ADAMTS20: variants seen among roughly 807,000 people sequenced by gnomAD.
ADAMTS20 encodes A disintegrin and metalloproteinase with thrombospondin motifs 20.
Under a neutral mutation model 260.1 loss-of-function variants are expected in ADAMTS20, and 225 were observed. The ratio of observed to expected loss-of-function variants is 0.87; its 90% CI spans 0.78 to 0.97. The LOEUF is 0.97. ADAMTS20 is among the 50% of genes least tolerant of loss of function. ADAMTS20 has a pLI of 0.00. For missense variants in ADAMTS20, 2,400 were observed against 2,337.7 expected (o/e 1.03, Z -0.55); for synonymous variants, 802 against 769.5 (o/e 1.04, Z -0.70).
At chr12:43,384,074 A>AC in intron 29 of ADAMTS20, 97 bp from the exon 30 acceptor site, 2 of 1,118,124 alleles carry the variant, frequency 1.8e-6, no homozygotes, top group Non-Finnish European at 2.4e-6. Flanking sequence ...TATTTTAAAT[A>AC]CAGCCTGGTA....
rs551126865 is a variant in ADAMTS20, at chr12:43,399,056, C to A, written c.4452+10G>T. ...AATACATATATAATTATAAAATATA[C>A]ATCATATACCTCATTCCAGCTATTG... is the stretch of plus-strand genomic sequence containing the variant. On this transcript the variant is annotated intron_variant, in intron 29 of 38. Coordinates refer to ENST00000389420, the MANE Select transcript of ADAMTS20 (RefSeq NM_025003.5). 3 of 1,387,644 alleles carry A rather than the reference C, an allele frequency of 2.2e-6. No individual in the cohort carries two copies. Among genetic ancestry groups the A allele is most frequent in the East Asian group, 2.8e-5 (1 of 35,940 alleles). The allele number at this position is 1,387,644 out of a possible 1,614,324, so 86.0% of individuals were successfully genotyped here.
chr12:43,439,765 T>C lies in ADAMTS20; in HGVS notation c.2464-14A>G, dbSNP rs542711794. The C allele has an allele frequency of 6.3e-7, 1 of 1,597,194 alleles. No homozygotes were observed. Among genetic ancestry groups the C allele is most frequent in the East Asian group, 2.2e-5 (1 of 44,758 alleles). On this transcript the variant is annotated splice_polypyrimidine_tract_variant and intron_variant, in intron 17 of 38. Coordinates refer to ENST00000389420, the MANE Select transcript of ADAMTS20 (RefSeq NM_025003.5). ...CACACACAACACCTCAATAAGAATATAAAAGAACATACAATTAATACATAA... is the reference window on the plus strand; with the variant it reads ...CACACACAACACCTCAATAAGAATACAAAAGAACATACAATTAATACATAA...
intron 35 of ADAMTS20, 88 bp downstream of exon 35, chr12:43,375,969 C>A: frequency 1.1e-6 from 1 of 938,582 alleles, no homozygotes. Flanking sequence ...CACATGTAAG[C>A]TATTCAAGTA....
At chr12:43,445,865 G>T (rs1941751058) in intron 15 of ADAMTS20, among the ~76,000 whole-genome samples, 1 of 151,858 alleles carries the variant, frequency 6.6e-6, no homozygotes, top group Non-Finnish European at 1.5e-5. Context: ...ATAAATAAAT[G>T]AATAAATAAG....
chr12:43,378,989 C>T (rs1565672207), intron 31 of ADAMTS20, among the ~76,000 whole-genome samples: 1 of 152,188 alleles, frequency 6.6e-6, no homozygotes, highest in Non-Finnish European at 1.5e-5. Flanking sequence ...TATTTCCATT[C>T]TCTTCTTTCT....
At chr12:43,432,510 A>G (rs1029225394) in intron 20 of ADAMTS20, 42 bp from the exon 21 acceptor site, 2 of 1,593,116 alleles carry the variant, frequency 1.3e-6, no homozygotes, top group Non-Finnish European at 8.5e-7. Context: ...GAAAAAAATC[A>G]GATTTTCAAC....
chr12:43,392,646 A>T (rs1445462483), intron 29 of ADAMTS20, among the ~76,000 whole-genome samples: 3 of 152,256 alleles, frequency 2.0e-5, no homozygotes, highest in East Asian at 1.9e-4. Context: ...GCCTGCTGTC[A>T]TCAATAACCC....
chr12:43,357,105 A>G (rs1939763389), intron 37 of ADAMTS20, among the ~76,000 whole-genome samples: 1 of 152,198 alleles, frequency 6.6e-6, no homozygotes, highest in Non-Finnish European at 1.5e-5. Flanking sequence ...AATTCTTTCC[A>G]AGTGCAGGAC....
chr12:43,440,139 C>CT (rs35606718), intron 16 of ADAMTS20, 70 bp from the exon 17 acceptor site: 26,369 of 550,992 alleles, frequency 0.048, 89 homozygotes, highest in African/African-American at 0.061. Flanking sequence ...ACTTGTTTAA[C>CT]TTTTTTTTTT....
At chr12:43,550,391 ACTCTACTT>A (rs1014180042) in intron 2 of ADAMTS20, among the ~76,000 whole-genome samples, 2 of 152,010 alleles carry the variant, frequency 1.3e-5, no homozygotes, top group African/African-American at 4.8e-5. Context: ...CCTCTTCCCT[ACTCTACTT>A]CACAGGCCAT....
chr12:43,452,213 C>T lies in ADAMTS20; in HGVS notation c.2079+61G>A, dbSNP rs150130179. 16 of 1,492,556 alleles carry T rather than the reference C, an allele frequency of 1.1e-5. 1 individual carries two copies. The highest frequency in any genetic ancestry group is 5.7e-5 in the African/African-American group (4 of 70,462). The allele number at this position is 1,492,556 out of a possible 1,614,324, so 92.5% of individuals were successfully genotyped here. ...AAAAGTAATATTTGGTTATATAAAT[C>T]GAAAAAAAACATTATTCTTAAAGTC... On this transcript the variant is annotated intron_variant, in intron 14 of 38. Transcript: ENST00000389420.
At chr12:43,542,427 G>A (rs1376086826) in intron 2 of ADAMTS20, among the ~76,000 whole-genome samples, 1 of 152,032 alleles carries the variant, frequency 6.6e-6, no homozygotes, top group East Asian at 1.9e-4. Flanking sequence ...TGTAATATTT[G>A]TAGCATATAT....
chr12:43,483,822 C>T (rs1476280069), intron 7 of ADAMTS20, among the ~76,000 whole-genome samples: 2 of 152,098 alleles, frequency 1.3e-5, no homozygotes, highest in Admixed American at 6.5e-5. Context: ...CTGCTTTAGC[C>T]GCAGCCAGTT....
intron 3 of ADAMTS20, among the ~76,000 whole-genome samples, chr12:43,527,768 G>A (rs538684859): frequency 4.5e-4 from 69 of 152,090 alleles, no homozygotes; most frequent in African/African-American, 1.6e-3. Flanking sequence ...TTCCCCCTGA[G>A]AACTGGAACA....
rs548252346 is a variant in ADAMTS20 at position 43,428,337 on chromosome 12, C to G, written c.3849G>C (p.Thr1283=). The G allele has an allele frequency of 1.9e-6, 3 of 1,613,924 alleles. No individual in the cohort carries two copies. Among genetic ancestry groups the G allele is most frequent in the Non-Finnish European group, 2.5e-6 (3 of 1,179,878 alleles). ...SPVQPSYYLS[T]NLPLTQKLED... ...CAAGTTTTTGAGTTAATGGCAAATT[C>G]GTGCTTAGATAATAGCTTGGCTGCA... Residue 1283 remains threonine (T), a synonymous_variant, in exon 26 of 39, where the codon ACG becomes ACC. Coordinates refer to ENST00000389420, the MANE Select transcript of ADAMTS20 (RefSeq NM_025003.5).
At chr12:43,383,105 G>C (rs1940389594) in intron 31 of ADAMTS20, among the ~76,000 whole-genome samples, 1 of 152,146 alleles carries the variant, frequency 6.6e-6, no homozygotes, top group Admixed American at 6.5e-5. Flanking sequence ...AGGGAAAAGA[G>C]AGGGGGGAAA....
At chr12:43,547,132 T>G (rs987174257) in intron 2 of ADAMTS20, among the ~76,000 whole-genome samples, 3 of 152,208 alleles carry the variant, frequency 2.0e-5, no homozygotes, top group African/African-American at 7.2e-5. Flanking sequence ...AACTAACAAC[T>G]AAACGGAATC....
chr12:43,544,240 T>C lies in ADAMTS20; in HGVS notation c.453+6669A>G, dbSNP rs371955881. 4.6e-5 allele frequency among the ~76,000 whole-genome samples: 7 copies of C among 152,304 alleles called. No homozygotes were observed. In the East Asian group the frequency reaches 1.3e-3, roughly 29 times the overall value. ...GTATCATCGGAAGAGATTTAGTAAA[T>C]ACAGAATTTCTTAAATGTGCCCAAG... is the stretch of plus-strand genomic sequence containing the variant. On this transcript the variant is annotated intron_variant, in intron 2 of 38. Transcript: ENST00000389420.
chr12:43,499,403 A>T (rs191758378), intron 4 of ADAMTS20, among the ~76,000 whole-genome samples: 1 of 152,122 alleles, frequency 6.6e-6, no homozygotes, highest in Non-Finnish European at 1.5e-5. Flanking sequence ...ATTCCCTTCA[A>T]TTAACTCTGG....
Sources: allele counts gnomAD v4.1 joint callset (sites outside exome capture counted in the v4.1 genomes callset), GRCh38; gene constraint gnomAD v4.1.1; transcripts MANE v1.5; gene names NCBI Gene and HGNC (gene_info 2026-07-23, HGNC 2026-07-21).